Variants in KLHL1 observed in about 807,000 individuals in gnomAD.
The protein encoded by KLHL1 is kelch-like protein 1.
KLHL1 carries 47 observed loss-of-function variants against 77.7 expected under a neutral mutation model. The observed-to-expected ratio is 0.60, with a 90% confidence interval of 0.48 to 0.77. KLHL1 has a LOEUF of 0.77. Ranked by LOEUF, KLHL1 falls within the 30% of genes least tolerant of loss-of-function variation. The pLI is 0.00. For missense variants in KLHL1, 925 were observed against 910.8 expected, an observed-to-expected ratio of 1.02 and a Z score of -0.20; for synonymous variants, 360 against 325.2, an observed-to-expected ratio of 1.11 and a Z score of -1.15.
At chr13:70,035,623 C>T (rs1361520007) in intron 1 of KLHL1, among the ~76,000 whole-genome samples, 2 of 151,876 alleles carry the variant, frequency 1.3e-5, no homozygotes, top group East Asian at 1.9e-4. Flanking sequence ...ATAAAACAAC[C>T]ATGTCCCTCT....
intron 5 of KLHL1, among the ~76,000 whole-genome samples, chr13:69,863,491 AC>A (rs1880252051): frequency 3.6e-5 from 5 of 139,720 alleles, no homozygotes; most frequent in Admixed American, 1.4e-4. Context: ...TGAAAAAAAA[AC>A]ATAAGAAATA....
At chr13:69,905,663 T>G (rs1593936623) in intron 4 of KLHL1, among the ~76,000 whole-genome samples, 1 of 152,238 alleles carries the variant, frequency 6.6e-6, no homozygotes, top group East Asian at 1.9e-4. Flanking sequence ...TTTTAAGCTA[T>G]TAAATGTATT....
intron 6 of KLHL1, among the ~76,000 whole-genome samples, chr13:69,825,063 G>A (rs78065407): frequency 0.015 from 2,293 of 152,188 alleles, 62 homozygotes; most frequent in African/African-American, 0.051. Flanking sequence ...AAGCCATGTT[G>A]CATACTAGTA....
intron 4 of KLHL1, among the ~76,000 whole-genome samples, chr13:69,919,883 G>A (rs1054497049): frequency 6.6e-6 from 1 of 152,110 alleles, no homozygotes; most frequent in African/African-American, 2.4e-5. Flanking sequence ...TAGGCTGATG[G>A]AGAATAAATA....
At chr13:70,080,118 T>A (rs1196331009) in intron 1 of KLHL1, among the ~76,000 whole-genome samples, 1 of 152,162 alleles carries the variant, frequency 6.6e-6, no homozygotes, top group Non-Finnish European at 1.5e-5. Context: ...TGCAGCCTAG[T>A]GTAAGAATCT....
intron 6 of KLHL1, among the ~76,000 whole-genome samples, chr13:69,827,622 C>G (rs373069120): frequency 2.2e-4 from 33 of 149,400 alleles, no homozygotes; most frequent in African/African-American, 7.9e-4. Context: ...CCCAGCTACT[C>G]GGGAGGCTGA....
At chr13:69,797,889 C>A (rs1024089935) in intron 6 of KLHL1, among the ~76,000 whole-genome samples, 1 of 151,614 alleles carries the variant, frequency 6.6e-6, no homozygotes, top group Non-Finnish European at 1.5e-5. Context: ...GATCTTCTAT[C>A]CTGAACAATC....
At chr13:69,708,390 G>A (rs955349263) in intron 9 of KLHL1, among the ~76,000 whole-genome samples, 4 of 151,974 alleles carry the variant, frequency 2.6e-5, no homozygotes, top group Non-Finnish European at 2.9e-5. Flanking sequence ...AGGAAATGGT[G>A]TGCCTCAAGA....
intron 1 of KLHL1, among the ~76,000 whole-genome samples, chr13:70,090,979 TTCTC>T (rs1272426434): frequency 6.6e-6 from 1 of 152,086 alleles, no homozygotes; most frequent in East Asian, 1.9e-4. Flanking sequence ...ACTTCTTCCT[TTCTC>T]TCTCTTTCTG....
intron 1 of KLHL1, among the ~76,000 whole-genome samples, chr13:70,106,739 T>C (rs1888066456): frequency 6.6e-6 from 1 of 152,154 alleles, no homozygotes; most frequent in Non-Finnish European, 1.5e-5. Flanking sequence ...TTTGTCCACC[T>C]CATTACTCCT....
chr13:70,097,248 G>A (rs1391317115), intron 1 of KLHL1, among the ~76,000 whole-genome samples: 1 of 151,870 alleles, frequency 6.6e-6, no homozygotes, highest in East Asian at 1.9e-4. Context: ...AGTCCTATAA[G>A]GCATTTGCTA....
Position 69,918,225 on chromosome 13 carries a change from T to C in KLHL1, c.1014+21815A>G, listed in dbSNP as rs372247543. Among the ~76,000 whole-genome samples the C allele has an allele frequency of 6.6e-5, 10 of 152,120 alleles. No individual in the cohort carries two copies. In the East Asian group the frequency reaches 1.9e-3, roughly 29 times the overall value. ...TACTGCTAAAATAATTAAACTTTAA[T>C]AGTTTTGTAAATTTTATTTTAAAAT... On this transcript the variant is annotated intron_variant, in intron 4 of 10. Coordinates refer to ENST00000377844, the MANE Select transcript of KLHL1 (RefSeq NM_020866.3).
In KLHL1 at chr13:69,914,750, T is replaced by C. The variant is rs565417612; in HGVS notation, c.1014+25290A>G. On this transcript the variant is annotated intron_variant, in intron 4 of 10. Transcript: ENST00000377844. Reference sequence around the variant, plus strand: ...CATATATAAACAATATATATATGTATACATGAAAACAATCTACAATCCTTT... The same window carrying C: ...CATATATAAACAATATATATATGTACACATGAAAACAATCTACAATCCTTT... Among the ~76,000 whole-genome samples the C allele has an allele frequency of 2.6e-5, 4 of 152,296 alleles. No individual in the cohort carries two copies. The South Asian group carries it at 8.3e-4, about 32-fold the overall frequency.
At chr13:69,756,162 AG>A (rs1328940048) in intron 7 of KLHL1, among the ~76,000 whole-genome samples, 2 of 152,164 alleles carry the variant, frequency 1.3e-5, no homozygotes, top group Non-Finnish European at 2.9e-5. Context: ...CAAATGAGGC[AG>A]TTGTTAATAG....
chr13:70,032,516 C>A (rs890648673), intron 1 of KLHL1, among the ~76,000 whole-genome samples: 1 of 152,136 alleles, frequency 6.6e-6, no homozygotes, highest in Admixed American at 6.5e-5. Flanking sequence ...CTGTATGTTT[C>A]TCTGTCAAAC....
intron 6 of KLHL1, among the ~76,000 whole-genome samples, chr13:69,820,199 G>C (rs1878277664): frequency 6.6e-6 from 1 of 152,150 alleles, no homozygotes; most frequent in Non-Finnish European, 1.5e-5. Flanking sequence ...AACACAGATA[G>C]TCCTCACTTT....
At chr13:69,969,992 C>T (rs1884331847) in intron 2 of KLHL1, among the ~76,000 whole-genome samples, 1 of 151,998 alleles carries the variant, frequency 6.6e-6, no homozygotes, top group Admixed American at 6.6e-5. Context: ...ACCTCCCATT[C>T]CTTTTTTAAA....
At chr13:70,043,555 A>G (rs927257177) in intron 1 of KLHL1, among the ~76,000 whole-genome samples, 1 of 152,178 alleles carries the variant, frequency 6.6e-6, no homozygotes, top group African/African-American at 2.4e-5. Context: ...TGGAAGCTCC[A>G]TTCATGGTAA....
intron 6 of KLHL1, among the ~76,000 whole-genome samples, chr13:69,813,503 C>CACACACACACACACATAT (rs34163072): frequency 1.5e-4 from 23 of 148,926 alleles, no homozygotes; most frequent in African/African-American, 5.2e-4. Flanking sequence ...CACACACACA[C>CACACACACACACACATAT]ATATATATAT....
Sources: gnomAD v4.1 joint callset for allele counts (sites outside exome capture counted in the v4.1 genomes callset) on GRCh38, gnomAD v4.1.1 for gene constraint, MANE v1.5 for transcripts, NCBI Gene and HGNC (gene_info 2026-07-23, HGNC 2026-07-21) for gene names.